The following ARID4B variants were observed in gnomAD, a reference collection of about 807,000 sequenced individuals.
The protein encoded by ARID4B is AT-rich interactive domain-containing protein 4B.
ARID4B carries 26 observed loss-of-function variants against 147.5 expected under a neutral mutation model. The ratio of observed to expected loss-of-function variants is 0.18; its 90% CI spans 0.13 to 0.24. The LOEUF (loss-of-function observed/expected upper bound fraction) is 0.24, where lower values mean the gene tolerates loss of function less well. Ranked by LOEUF, ARID4B falls within the 10% of genes least tolerant of loss-of-function variation. ARID4B has a pLI of 1.00. For missense variants in ARID4B, 1,179 were observed against 1,511.5 expected (o/e 0.78, Z 3.65); for synonymous variants, 512 against 507.9 (o/e 1.01, Z -0.11).
chr1:235,204,785 C>T (rs1571970177), intron 17 of ARID4B, among the ~76,000 whole-genome samples: 1 of 152,084 alleles, frequency 6.6e-6, no homozygotes, highest in Non-Finnish European at 1.5e-5. Flanking sequence ...CGTACTTAGA[C>T]AAAAATATCA....
chr1:235,176,841 A>AG (rs1386804494), intron 21 of ARID4B: 10 of 470,660 alleles, frequency 2.1e-5, no homozygotes, highest in African/African-American at 2.0e-4. Context: ...CTGCTAGCAA[A>AG]GGTCAGGCAG....
At chr1:235,324,462 A>G (rs977333039) in intron 2 of ARID4B, among the ~76,000 whole-genome samples, 1 of 152,226 alleles carries the variant, frequency 6.6e-6, no homozygotes, top group Non-Finnish European at 1.5e-5. Flanking sequence ...ACACCTAAAA[A>G]GTATTACTAC....
intron 16 of ARID4B, among the ~76,000 whole-genome samples, chr1:235,215,586 T>TGTGTGTGTG (rs1553293297): frequency 1.3e-5 from 2 of 150,608 alleles, no homozygotes; most frequent in Non-Finnish European, 3.0e-5. Flanking sequence ...TGTGTATATA[T>TGTGTGTGTG]TTTTCCCCCC....
At chr1:235,325,249 C>T (rs1159474238) in intron 2 of ARID4B, among the ~76,000 whole-genome samples, 1 of 151,808 alleles carries the variant, frequency 6.6e-6, no homozygotes, top group Non-Finnish European at 1.5e-5. Flanking sequence ...TAATGCTGAG[C>T]ACTTAAAATT....
chr1:235,173,409 G>T (rs748314774), intron 22 of ARID4B, among the ~76,000 whole-genome samples: 1 of 151,848 alleles, frequency 6.6e-6, no homozygotes, highest in Non-Finnish European at 1.5e-5. Flanking sequence ...ATGCTAAATT[G>T]TACACATTTT....
intron 20 of ARID4B, among the ~76,000 whole-genome samples, chr1:235,179,525 C>CAAAAAAAAAA (rs61143006): frequency 4.1e-5 from 2 of 48,368 alleles, no homozygotes; most frequent in African/African-American, 5.7e-5. Flanking sequence ...CTCTATGTCT[C>CAAAAAAAAAA]AAAAAAAAAA....
intron 5 of ARID4B, among the ~76,000 whole-genome samples, chr1:235,253,785 ACT>A (rs934222195): frequency 3.3e-5 from 5 of 152,066 alleles, no homozygotes; most frequent in Admixed American, 1.3e-4. Context: ...GAAGACAGTA[ACT>A]CTGTTTTAAA....
At chr1:235,323,870 T>C (rs1323021502) in intron 2 of ARID4B, among the ~76,000 whole-genome samples, 1 of 151,978 alleles carries the variant, frequency 6.6e-6, no homozygotes, top group Non-Finnish European at 1.5e-5. Context: ...CACCTCCTTA[T>C]AATGTGGTAC....
chr1:235,179,507 G>C (rs963790354), intron 20 of ARID4B, among the ~76,000 whole-genome samples: 1 of 74,482 alleles, frequency 1.3e-5, no homozygotes, highest in Non-Finnish European at 2.5e-5. Flanking sequence ...TGGGCAACAA[G>C]AGCAAAACTC....
rs1340814380 is a variant in ARID4B, at chr1:235,167,199, G to C, written c.*1326C>G. The C allele has an allele frequency of 2.4e-5, 5 of 207,938 alleles. No individual in the cohort carries two copies. The highest frequency in any genetic ancestry group is 3.9e-5 in the Non-Finnish European group (4 of 101,804). The allele number at this position is 207,938 out of a possible 1,614,324, so 12.9% of individuals were successfully genotyped here. On this transcript the variant is annotated 3_prime_UTR_variant, in exon 24 of 24. Transcript: ENST00000264183. ...GTTAGCATCTACAACAAAACGCATT[G>C]AAATTCCCACGTCGTATTGCCAGGA...
At chr1:235,226,527 AT>A (rs1275162543) in intron 11 of ARID4B, among the ~76,000 whole-genome samples, 204 of 130,938 alleles carry the variant, frequency 1.6e-3, no homozygotes, top group Admixed American at 1.8e-3. Context: ...CGCCCAGCTA[AT>A]TTTTTTTTTT....
chr1:235,169,406 A>G (rs549877931), intron 23 of ARID4B, among the ~76,000 whole-genome samples: 1 of 150,596 alleles, frequency 6.6e-6, no homozygotes, highest in South Asian at 2.1e-4. Flanking sequence ...ACGCCCGGCT[A>G]ATTTTTTTGT....
rs565800900 is a variant in ARID4B, at chr1:235,209,568, G to GTT, written c.1841+4199_1841+4200dup. On this transcript the variant is annotated intron_variant, in intron 17 of 23. Transcript: ENST00000264183. The stretch of plus-strand genomic sequence containing the variant: ...AATTGATTTTTTTGTTTTTTGTTTT[G>GTT]TTTTTTTTTTTTTGAGATGGAGTCT... 1.3e-3 allele frequency among the ~76,000 whole-genome samples: 187 copies of GTT among 144,884 alleles called. 1 individual carries two copies. Among genetic ancestry groups the GTT allele is most frequent in the African/African-American group, 4.5e-3 (178 of 39,432 alleles).
At chr1:235,192,024 T>G (rs977027284) in intron 19 of ARID4B, among the ~76,000 whole-genome samples, 1 of 152,140 alleles carries the variant, frequency 6.6e-6, no homozygotes, top group Non-Finnish European at 1.5e-5. Flanking sequence ...TGAGTCGTGA[T>G]AGCACCACTG....
rs1234989910 is a variant in ARID4B at position 235,196,060 on chromosome 1, G to C, written c.1897C>G (p.Pro633Ala). Residue 633 changes from proline to alanine, a missense_variant, in exon 18 of 24, where the codon CCA (proline) becomes GCA (alanine). Coordinates refer to ENST00000264183, the MANE Select transcript of ARID4B (RefSeq NM_016374.6). ...ATTTTCTTCCGATGTTTTATCTTTG[G>C]CACATTTTTATCAGCAGGTCTTACT... The part of the protein sequence containing the change: ...KIVRPADKNV[P>A]KIKHRKKIKN... 1 of 1,600,798 alleles carries C rather than the reference G, an allele frequency of 6.2e-7. No individual in the cohort carries two copies. The highest frequency in any genetic ancestry group is 1.3e-5 in the African/African-American group (1 of 74,210).
intron 23 of ARID4B, among the ~76,000 whole-genome samples, chr1:235,171,103 C>T (rs1663323663): frequency 6.6e-6 from 1 of 152,026 alleles, no homozygotes; most frequent in African/African-American, 2.4e-5. Flanking sequence ...ACTGTTCCTG[C>T]ATTGGTTTTA....
intron 2 of ARID4B, among the ~76,000 whole-genome samples, chr1:235,292,788 T>G: frequency 6.6e-6 from 1 of 152,338 alleles, no homozygotes; most frequent in East Asian, 1.9e-4. Flanking sequence ...AAGATAAATT[T>G]ATAGATCTAC....
At chr1:235,320,176 G>A (rs889226238) in intron 2 of ARID4B, among the ~76,000 whole-genome samples, 3 of 151,346 alleles carry the variant, frequency 2.0e-5, no homozygotes, top group Non-Finnish European at 1.5e-5. Context: ...GTGGTGGCAG[G>A]TGCCTGTAAT....
At chr1:235,234,072 C>G (rs1444817695) in intron 9 of ARID4B, among the ~76,000 whole-genome samples, 1 of 152,042 alleles carries the variant, frequency 6.6e-6, no homozygotes, top group African/African-American at 2.4e-5. Context: ...GAGTGAGACT[C>G]CGTCTCAAAA....
Sources: allele counts gnomAD v4.1 joint callset (sites outside exome capture counted in the v4.1 genomes callset), GRCh38; gene constraint gnomAD v4.1.1; transcripts MANE v1.5; gene names NCBI Gene and HGNC (gene_info 2026-07-23, HGNC 2026-07-21).